Variants in TLE1 observed in about 807,000 individuals in gnomAD.
TLE1 encodes the protein TLE family member 1, transcriptional corepressor.
Under a neutral mutation model 89.8 loss-of-function variants are expected in TLE1, and 21 were observed. That is an observed-to-expected ratio of 0.23 (90% CI 0.17 to 0.34). The LOEUF is 0.34. Ranked by LOEUF, TLE1 falls within the 10% of genes least tolerant of loss-of-function variation. The pLI, the probability that TLE1 is intolerant of heterozygous loss-of-function variation, is 1.00. For synonymous variants in TLE1, 447 were observed against 407.6 expected (o/e 1.10, Z -1.16); for missense variants, 795 against 1,031.2 (o/e 0.77, Z 3.14).
chr9:81,677,472 G>A (rs1463066128), intron 4 of TLE1, among the ~76,000 whole-genome samples: 1 of 150,082 alleles, frequency 6.7e-6, no homozygotes, highest in East Asian at 2.0e-4. Flanking sequence ...GGCTGAGGCA[G>A]GAAAATGGTG....
At chr9:81,640,927 C>T (rs949956679) in intron 6 of TLE1, among the ~76,000 whole-genome samples, 4 of 152,136 alleles carry the variant, frequency 2.6e-5, no homozygotes, top group Admixed American at 2.0e-4. Context: ...ACTTTAATTT[C>T]TGAAACTTCA....
intron 1 of TLE1, among the ~76,000 whole-genome samples, chr9:81,687,882 A>C (rs1438714940): frequency 6.6e-6 from 1 of 151,968 alleles, no homozygotes; most frequent in East Asian, 2.0e-4. Context: ...ATTGACATGT[A>C]AATAGGCGAG....
chr9:81,598,466 T>G (rs1830504018), intron 14 of TLE1, among the ~76,000 whole-genome samples: 1 of 152,268 alleles, frequency 6.6e-6, no homozygotes, highest in African/African-American at 2.4e-5. Context: ...TGGTGAACAT[T>G]TAAGTCTTTC....
rs917351059 is a variant in TLE1 at position 81,644,731 on chromosome 9, T to C, written c.372+7483A>G. 2.6e-5 allele frequency among the ~76,000 whole-genome samples: 4 copies of C among 152,172 alleles called. No individual in the cohort carries two copies. In the South Asian group the frequency reaches 8.3e-4, roughly 31 times the overall value. Reference sequence around the variant, plus strand: ...GAATTTGGCCAGGTGCAGTGACTCATGCCTGTAATCCCAGCACTTTGGGAG... The same window carrying C: ...GAATTTGGCCAGGTGCAGTGACTCACGCCTGTAATCCCAGCACTTTGGGAG... On this transcript the variant is annotated intron_variant, in intron 6 of 19. Transcript: ENST00000376499.
intron 4 of TLE1, among the ~76,000 whole-genome samples, chr9:81,674,286 G>A (rs552854290): frequency 5.3e-5 from 8 of 152,292 alleles, no homozygotes; most frequent in South Asian, 2.1e-4. Flanking sequence ...GTGTCTGTGC[G>A]TGTCAATACA....
At chr9:81,684,142 G>A (rs1467965425) in intron 4 of TLE1, among the ~76,000 whole-genome samples, 3 of 147,706 alleles carry the variant, frequency 2.0e-5, no homozygotes, top group African/African-American at 5.0e-5. Context: ...GCCCTTCAGA[G>A]TAAATTAAAA....
At chr9:81,600,079 T>A (rs1026208426) in intron 14 of TLE1, 23 of 740,234 alleles carry the variant, frequency 3.1e-5, no homozygotes, top group Non-Finnish European at 5.0e-5. Context: ...ATTACACGTT[T>A]CCAAACTTCT....
rs546883814 is a variant in TLE1, at chr9:81,667,724, C to A, written c.235-13688G>T. ...CTTGAGCTGTATTCCTGCTCCCCCC[C>A]AAGCTGAGTGGCTGGGGAGAGGTGG... On this transcript the variant is annotated intron_variant, in intron 4 of 19. Coordinates refer to ENST00000376499, the MANE Select transcript of TLE1 (RefSeq NM_005077.5). Among the ~76,000 whole-genome samples, 15 of 150,920 alleles carry A rather than the reference C, an allele frequency of 9.9e-5. No homozygotes were observed. The South Asian group carries it at 1.9e-3, about 19-fold the overall frequency.
Position 81,685,716 on chromosome 9 carries a change from T to C in TLE1, c.194A>G (p.Tyr65Cys). 1.2e-6 allele frequency: 2 copies of C among 1,613,652 alleles called. No individual in the cohort carries two copies. The highest frequency in any genetic ancestry group is 8.5e-7 in the Non-Finnish European group (1 of 1,179,696). The change falls in exon 4 of 20, where the codon TAT (tyrosine) becomes TGT (cysteine). Residue 65 changes from tyrosine (Y) to cysteine (C), a missense_variant. This residue lies in a region of TLE1 where 66 missense variants were observed against 118.7 expected (regional missense o/e 0.56). Transcript: ENST00000376499. ...TEMQRHYVMY[Y>C]EMSYGLNIEM... is the part of the protein sequence containing the mutation. ...AATGTTTAATCCATATGACATTTCA[T>C]AATACTGTAAAGAGAAAAAAGAATC...
chr9:81,587,522 A>AGGT (rs1828689077), intron 17 of TLE1, among the ~76,000 whole-genome samples, 159 bp downstream of exon 17: 1 of 152,104 alleles, frequency 6.6e-6, no homozygotes, highest in African/African-American at 2.4e-5. Flanking sequence ...GTGAAGGAGG[A>AGGT]GGTGGTGGTC....
intron 6 of TLE1, among the ~76,000 whole-genome samples, chr9:81,649,197 T>C (rs1291581768): frequency 6.6e-6 from 1 of 152,208 alleles, no homozygotes; most frequent in Non-Finnish European, 1.5e-5. Context: ...CGGTACTCTA[T>C]GTAAGTTGAA....
At chr9:81,616,221 A>G (rs1471113058) in intron 10 of TLE1, 87 bp from the exon 11 acceptor site, 1 of 1,506,930 alleles carries the variant, frequency 6.6e-7, no homozygotes, top group Non-Finnish European at 8.9e-7. Context: ...AAATTTAAGG[A>G]CAGAGCTGAA....
intron 4 of TLE1, among the ~76,000 whole-genome samples, chr9:81,663,580 C>T (rs1020544952): frequency 3.3e-5 from 5 of 151,874 alleles, no homozygotes; most frequent in Non-Finnish European, 7.4e-5. Flanking sequence ...ACAGGGTCAC[C>T]GTGCCCTTGC....
rs546685048 is a variant in TLE1 at position 81,674,477 on chromosome 9, TA to T, written c.234+11198del. Reference sequence around the variant, plus strand: ...GTTTTGTTTCTGGTCCTTACCCCCTTACCACCCAAGGTCCCTGAGGCCAACT... The same window carrying T: ...GTTTTGTTTCTGGTCCTTACCCCCTTCCACCCAAGGTCCCTGAGGCCAACT... On this transcript the variant is annotated intron_variant, in intron 4 of 19. Coordinates refer to ENST00000376499, the MANE Select transcript of TLE1 (RefSeq NM_005077.5). 4.7e-3 allele frequency among the ~76,000 whole-genome samples: 722 copies of T among 152,308 alleles called. 5 individuals carry two copies. Among genetic ancestry groups the T allele is most frequent in the African/African-American group, 0.016 (680 of 41,562 alleles).
chr9:81,652,128 C>CA, intron 6 of TLE1, 86 bp downstream of exon 6: 1 of 1,336,990 alleles, frequency 7.5e-7, no homozygotes, highest in Non-Finnish European at 1.1e-6. Flanking sequence ...CACACACACA[C>CA]ACACACACAC....
At chr9:81,642,763 A>G (rs1382343364) in intron 6 of TLE1, among the ~76,000 whole-genome samples, 1 of 152,190 alleles carries the variant, frequency 6.6e-6, no homozygotes, top group African/African-American at 2.4e-5. Flanking sequence ...AGTATATCAA[A>G]GATACATCTG....
chr9:81,591,906 G>C (rs949835396), intron 15 of TLE1, among the ~76,000 whole-genome samples: 25 of 152,196 alleles, frequency 1.6e-4, no homozygotes, highest in African/African-American at 5.3e-4. Context: ...ACCTTCTCTG[G>C]AATCCTTACA....
intron 4 of TLE1, among the ~76,000 whole-genome samples, chr9:81,673,957 G>T (rs1172799536): frequency 6.6e-6 from 1 of 152,054 alleles, no homozygotes; most frequent in Non-Finnish European, 1.5e-5. Context: ...CTCCATACCA[G>T]ACCAAGACGC....
intron 18 of TLE1, 106 bp from the exon 19 acceptor site, chr9:81,584,630 A>G: frequency 1.0e-6 from 1 of 1,003,420 alleles, no homozygotes; most frequent in Admixed American, 2.1e-5. Flanking sequence ...TATATGAACT[A>G]TCATGCCCTA....
Sources: allele counts gnomAD v4.1 joint callset (sites outside exome capture counted in the v4.1 genomes callset), GRCh38; gene constraint gnomAD v4.1.1; regional missense constraint gnomAD v4.1.1; transcripts MANE v1.5; gene names NCBI Gene and HGNC (gene_info 2026-07-23, HGNC 2026-07-21).